Variants in WDR48 observed in about 807,000 individuals in gnomAD.
WDR48 encodes WD repeat domain 48.
In WDR48, 22 loss-of-function variants were observed where a neutral mutation model predicts 94.0. That is an observed-to-expected ratio of 0.23 (90% CI 0.17 to 0.33). WDR48 has a LOEUF of 0.33. WDR48 is among the 10% of genes least tolerant of loss of function. The probability of loss-of-function intolerance (pLI) is 1.00; values close to 1 mark genes in which losing one functional copy is unlikely to be tolerated. For synonymous variants in WDR48, 278 were observed against 280.5 expected, an observed-to-expected ratio of 0.99 and a Z score of 0.09; for missense variants, 541 against 813.8, an observed-to-expected ratio of 0.66 and a Z score of 4.08.
intron 6 of WDR48, among the ~76,000 whole-genome samples, chr3:39,069,143 G>T (rs1315272492): frequency 1.3e-5 from 2 of 151,948 alleles, no homozygotes; most frequent in Non-Finnish European, 2.9e-5. Context: ...GTCCCATCTG[G>T]CTAATTTTTG....
intron 1 of WDR48, among the ~76,000 whole-genome samples, chr3:39,053,351 T>C (rs1023575448): frequency 6.6e-6 from 1 of 152,146 alleles, no homozygotes; most frequent in Non-Finnish European, 1.5e-5. Context: ...GGCCATAAAG[T>C]CTTCTGATTA....
intron 17 of WDR48, among the ~76,000 whole-genome samples, chr3:39,092,690 A>G (rs1032711052): frequency 6.6e-6 from 1 of 152,186 alleles, no homozygotes; most frequent in African/African-American, 2.4e-5. Context: ...ACTATGAACA[A>G]TATGTATTCT....
chr3:39,064,459 G>A (rs940211508), intron 2 of WDR48, among the ~76,000 whole-genome samples: 5 of 152,056 alleles, frequency 3.3e-5, no homozygotes, highest in Non-Finnish European at 7.4e-5. Flanking sequence ...AATTTTAGTA[G>A]AGACGGGGTT....
At chr3:39,088,291 TGTC>T (rs2034917462) in intron 15 of WDR48, 58 bp downstream of exon 15, 33 of 1,521,762 alleles carry the variant, frequency 2.2e-5, no homozygotes, top group Admixed American at 3.4e-5. Flanking sequence ...TGCTAAGAAG[TGTC>T]GACTCAAACT....
chr3:39,063,231 C>A (rs1275845742), intron 2 of WDR48, 41 bp downstream of exon 2: 3 of 1,604,898 alleles, frequency 1.9e-6, no homozygotes, highest in Non-Finnish European at 2.6e-6. Flanking sequence ...AAATTCTGGA[C>A]AAATGGCTTT....
intron 1 of WDR48, among the ~76,000 whole-genome samples, chr3:39,059,450 T>A (rs982392094): frequency 6.6e-6 from 1 of 152,324 alleles, no homozygotes; most frequent in South Asian, 2.1e-4. Context: ...TTTGAGGAGT[T>A]TGAACTTTAA....
At chr3:39,069,098 A>G (rs779116322) in intron 6 of WDR48, among the ~76,000 whole-genome samples, 5 of 152,130 alleles carry the variant, frequency 3.3e-5, no homozygotes, top group African/African-American at 7.2e-5. Flanking sequence ...CTGGGACCCC[A>G]GGCACACACC....
Position 39,068,874 on chromosome 3 carries a change from A to G in WDR48, c.570+15A>G, listed in dbSNP as rs768160340. ...CCACTGAAAAGGTAAGGAGGAGCTT[A>G]TTTCTTTATTTAAAAAAAAAAATTA... On this transcript the variant is annotated intron_variant, in intron 6 of 18. Transcript: ENST00000302313. 2 of 1,532,466 alleles carry G rather than the reference A, an allele frequency of 1.3e-6. No individual in the cohort carries two copies. Among genetic ancestry groups the G allele is most frequent in the Non-Finnish European group, 1.8e-6 (2 of 1,133,750 alleles). The allele number at this position is 1,532,466 out of a possible 1,614,324, so 94.9% of individuals were successfully genotyped here. A position where few individuals can be genotyped will look rare whatever the true frequency, so the allele number is the denominator to read the frequency against.
Position 39,066,588 on chromosome 3 carries a change from T to C in WDR48, c.309T>C (p.Asn103=). Residue 103 remains asparagine (N), a synonymous_variant, in exon 4 of 19, where the codon AAT becomes AAC. Transcript: ENST00000302313. ...ASSDTTVKVW[N]AHKGFCMSTL... ...CTGACACGACAGTAAAAGTATGGAA[T>C]GCACACAAGGGATTTTGCATGTCAA... The C allele has an allele frequency of 6.2e-7, 1 of 1,613,898 alleles. No individual in the cohort carries two copies. The highest frequency in any genetic ancestry group is 8.5e-7 in the Non-Finnish European group (1 of 1,179,908).
chr3:39,092,908 ATTATT>A (rs1045630228), intron 17 of WDR48, among the ~76,000 whole-genome samples: 2 of 106,524 alleles, frequency 1.9e-5, no homozygotes, highest in Non-Finnish European at 3.6e-5. Flanking sequence ...CACACACACA[ATTATT>A]TTAAAGTGAG....
At chr3:39,052,125 C>T (rs374023076) in intron 1 of WDR48, 52 bp downstream of exon 1, 10 of 1,606,696 alleles carry the variant, frequency 6.2e-6, no homozygotes, top group Admixed American at 1.7e-5. Context: ...AGCTCCGGGC[C>T]CACTCCAGCT....
chr3:39,082,371 TC>T (rs939523564), intron 11 of WDR48, among the ~76,000 whole-genome samples: 39 of 151,994 alleles, frequency 2.6e-4, no homozygotes, highest in Non-Finnish European at 4.4e-5. Flanking sequence ...AACCTCTGAC[TC>T]CCTGGTTCAA....
At chr3:39,078,775 A>G (rs2034368487) in intron 10 of WDR48, among the ~76,000 whole-genome samples, 1 of 145,864 alleles carries the variant, frequency 6.9e-6, no homozygotes, top group African/African-American at 2.5e-5. Flanking sequence ...GCTCGCCTGT[A>G]ATCCCAGCAC....
At position 39,074,807 on chromosome 3, in the gene WDR48, G is replaced by T; in HGVS notation, c.754G>T (p.Asp252Tyr). The part of the protein sequence containing the change: ...QRCIATYRVH[D>Y]EGVWALQVND... Reference sequence around the variant, plus strand: ...ATGTATAGCAACATACCGAGTCCATGATGAAGGTGTTTGGGCGCTGCAAGT... The same window carrying T: ...ATGTATAGCAACATACCGAGTCCATTATGAAGGTGTTTGGGCGCTGCAAGT... Residue 252 changes from aspartate to tyrosine, a missense_variant, in exon 8 of 19, where the codon GAT becomes TAT. By Grantham distance (160) the Asp-to-Tyr change is radical (BLOSUM62 -3). Coordinates refer to ENST00000302313, the MANE Select transcript of WDR48 (RefSeq NM_020839.4). 6.2e-7 allele frequency: 1 copy of T among 1,614,230 alleles called. No individual in the cohort carries two copies. The highest frequency in any genetic ancestry group is 8.5e-7 in the Non-Finnish European group (1 of 1,180,040).
intron 11 of WDR48, among the ~76,000 whole-genome samples, chr3:39,082,418 A>G (rs2034586542): frequency 6.6e-6 from 1 of 151,880 alleles, no homozygotes; most frequent in Admixed American, 6.6e-5. Flanking sequence ...AGTAGCTGGG[A>G]TTACAGGCAT....
chr3:39,054,354 C>T (rs192363679), intron 1 of WDR48, among the ~76,000 whole-genome samples: 1 of 152,304 alleles, frequency 6.6e-6, no homozygotes, highest in Admixed American at 6.5e-5. Flanking sequence ...GGTTCTTTGG[C>T]ATCATCCCTG....
At position 39,074,810 on chromosome 3, in the gene WDR48, G is replaced by A; in HGVS notation, c.757G>A (p.Glu253Lys). The change falls in exon 8 of 19, where the codon GAA (glutamate) becomes AAA (lysine). Residue 253 changes from glutamate (E) to lysine (K), a missense_variant. By Grantham distance (56) the Glu-to-Lys change is moderately conservative. Coordinates refer to ENST00000302313, the MANE Select transcript of WDR48 (RefSeq NM_020839.4). ...RCIATYRVHD[E>K]GVWALQVNDA... is the part of the protein sequence containing the mutation. ...TATAGCAACATACCGAGTCCATGAT[G>A]AAGGTGTTTGGGCGCTGCAAGTCAA... The A allele has an allele frequency of 6.2e-7, 1 of 1,614,232 alleles. No individual in the cohort carries two copies. The highest frequency in any genetic ancestry group is 1.1e-5 in the South Asian group (1 of 91,078).
intron 1 of WDR48, 91 bp from the exon 2 acceptor site, chr3:39,062,959 A>AT (rs1287195760): frequency 1.3e-6 from 2 of 1,484,366 alleles, no homozygotes; most frequent in African/African-American, 2.8e-5. Flanking sequence ...AAAACATGGG[A>AT]TTTTCTGTTT....
chr3:39,079,652 C>A, intron 10 of WDR48, 59 bp from the exon 11 acceptor site: 1 of 1,259,344 alleles, frequency 7.9e-7, no homozygotes, highest in Non-Finnish European at 1.1e-6. Flanking sequence ...ATTGTTACCA[C>A]ACCATGAATT....
Sources: gnomAD v4.1 joint callset for allele counts (sites outside exome capture counted in the v4.1 genomes callset) on GRCh38, gnomAD v4.1.1 for gene constraint, MANE v1.5 for transcripts, NCBI Gene and HGNC (gene_info 2026-07-23, HGNC 2026-07-21) for gene names.